The following FGGY variants were observed in gnomAD, a reference collection of about 807,000 sequenced individuals.
The protein encoded by FGGY is FGGY carbohydrate kinase domain containing, also known as FGGY carbohydrate kinase domain-containing protein.
A neutral mutation model predicts 71.3 loss-of-function variants in FGGY; 72 were observed. That is an observed-to-expected ratio of 1.01 (90% CI 0.84 to 1.23). The LOEUF (loss-of-function observed/expected upper bound fraction) is 1.23. FGGY is among the 50% of genes most tolerant of loss of function. The pLI, the probability that FGGY is intolerant of heterozygous loss-of-function variation, is 0.00. For missense variants in FGGY, 668 were observed against 682.3 expected (o/e 0.98, Z 0.23); for synonymous variants, 251 against 250.3 (o/e 1.00, Z -0.02).
chr1:59,656,427 T>C (rs934437321), intron 11 of FGGY, among the ~76,000 whole-genome samples: 1 of 152,202 alleles, frequency 6.6e-6, no homozygotes, highest in Non-Finnish European at 1.5e-5. Flanking sequence ...CCGAGGGTCC[T>C]TTGTAGCCTC....
At chr1:59,572,108 A>T (rs2095997100) in intron 8 of FGGY, among the ~76,000 whole-genome samples, 1 of 152,166 alleles carries the variant, frequency 6.6e-6, no homozygotes, top group Admixed American at 6.6e-5. Context: ...ATGTTCACAT[A>T]AGTTTTATAC....
intron 13 of FGGY, among the ~76,000 whole-genome samples, chr1:59,668,208 G>T (rs1442532159): frequency 6.6e-6 from 1 of 152,166 alleles, no homozygotes; most frequent in Non-Finnish European, 1.5e-5. Context: ...GAGGCTTTCT[G>T]TTGTCGCAGA....
At chr1:59,301,839 G>A (rs1459179966) in intron 1 of FGGY, among the ~76,000 whole-genome samples, 5 of 148,964 alleles carry the variant, frequency 3.4e-5, no homozygotes, top group Admixed American at 6.7e-5. Context: ...TCAGCTTCCC[G>A]AGCAGCTGGG....
At chr1:59,504,491 G>A (rs2094326569) in intron 6 of FGGY, among the ~76,000 whole-genome samples, 1 of 152,150 alleles carries the variant, frequency 6.6e-6, no homozygotes. Flanking sequence ...TGTCAGAATT[G>A]AACTAAATGA....
intron 8 of FGGY, among the ~76,000 whole-genome samples, chr1:59,589,432 C>T (rs956320143): frequency 1.9e-4 from 29 of 152,122 alleles, no homozygotes; most frequent in African/African-American, 6.8e-4. Context: ...CTGCACCAAG[C>T]GGACCTAATA....
chr1:59,310,982 G>A (rs1338432221), intron 1 of FGGY, among the ~76,000 whole-genome samples: 3 of 152,160 alleles, frequency 2.0e-5, no homozygotes, highest in African/African-American at 7.2e-5. Flanking sequence ...GCTCATACAA[G>A]GAAGGTAGGG....
intron 14 of FGGY, among the ~76,000 whole-genome samples, chr1:59,738,797 AT>A (rs2098125209): frequency 6.6e-6 from 1 of 152,194 alleles, no homozygotes; most frequent in Non-Finnish European, 1.5e-5. Flanking sequence ...TATTGGCCAA[AT>A]TTTATAAATG....
At chr1:59,344,965 A>G (rs60235233) in intron 3 of FGGY, among the ~76,000 whole-genome samples, 7,734 of 152,184 alleles carry the variant, frequency 0.051, 454 homozygotes, top group African/African-American at 0.14. Flanking sequence ...TAGTTTATTC[A>G]TTTAAGAATT....
At chr1:59,498,955 C>T (rs573107015) in intron 6 of FGGY, among the ~76,000 whole-genome samples, 1 of 152,326 alleles carries the variant, frequency 6.6e-6, no homozygotes, top group African/African-American at 2.4e-5. Flanking sequence ...TAAAAGTGGA[C>T]ACTTTCTGCT....
At chr1:59,683,974 G>A (rs2097525380) in intron 14 of FGGY, among the ~76,000 whole-genome samples, 1 of 152,154 alleles carries the variant, frequency 6.6e-6, no homozygotes, top group Admixed American at 6.5e-5. Context: ...TGGAGATTGG[G>A]TGGGCTGTGA....
intron 14 of FGGY, among the ~76,000 whole-genome samples, chr1:59,721,499 C>A (rs1421281341): frequency 6.6e-6 from 1 of 151,760 alleles, no homozygotes; most frequent in African/African-American, 2.4e-5. Context: ...CCACCACACC[C>A]GGCTAATTTT....
intron 5 of FGGY, among the ~76,000 whole-genome samples, chr1:59,422,459 C>T (rs892970957): frequency 2.0e-5 from 3 of 152,128 alleles, no homozygotes; most frequent in Admixed American, 2.0e-4. Flanking sequence ...CTTTGGGAGG[C>T]TGAATTGGGT....
At chr1:59,737,149 C>G (rs2098112997) in intron 14 of FGGY, among the ~76,000 whole-genome samples, 1 of 152,258 alleles carries the variant, frequency 6.6e-6, no homozygotes, top group African/African-American at 2.4e-5. Flanking sequence ...TTAAGAACCT[C>G]TACCTAGATT....
intron 5 of FGGY, 51 bp downstream of exon 5, chr1:59,378,888 T>C (rs1286074334): frequency 7.0e-7 from 1 of 1,438,630 alleles, no homozygotes; most frequent in African/African-American, 1.4e-5. Context: ...TTCTTGGATG[T>C]CTGTCTATAT....
chr1:59,565,713 G>A (rs1280744850), intron 8 of FGGY, among the ~76,000 whole-genome samples: 1 of 152,216 alleles, frequency 6.6e-6, no homozygotes, highest in Non-Finnish European at 1.5e-5. Context: ...TTGTGGGAAT[G>A]AGGTAGAGTG....
At chr1:59,580,203 C>T (rs978742512) in intron 8 of FGGY, among the ~76,000 whole-genome samples, 5 of 152,184 alleles carry the variant, frequency 3.3e-5, no homozygotes, top group Non-Finnish European at 7.3e-5. Context: ...TCGTCCTACG[C>T]TCCACTGGAC....
intron 9 of FGGY, among the ~76,000 whole-genome samples, chr1:59,616,084 C>T (rs955509558): frequency 1.3e-5 from 2 of 152,152 alleles, no homozygotes; most frequent in Non-Finnish European, 2.9e-5. Context: ...GTGGTGATTC[C>T]TCAGGGATCT....
At chr1:59,473,967 T>G (rs2093130882) in intron 6 of FGGY, 1 of 152,206 alleles carries the variant, frequency 6.6e-6, no homozygotes, top group South Asian at 2.1e-4. Context: ...GAATGTGATA[T>G]CAGATGTCAC....
At chr1:59,560,712 C>T (rs2095776915) in intron 8 of FGGY, among the ~76,000 whole-genome samples, 1 of 151,944 alleles carries the variant, frequency 6.6e-6, no homozygotes, top group African/African-American at 2.4e-5. Context: ...AGAGCTCAGG[C>T]ACATTGAGAA....
Sources: gnomAD v4.1 joint callset for allele counts (sites outside exome capture counted in the v4.1 genomes callset) on GRCh38, gnomAD v4.1.1 for gene constraint, MANE v1.5 for transcripts, NCBI Gene and HGNC (gene_info 2026-07-23, HGNC 2026-07-21) for gene names.